The following ZBTB20 variants were observed in gnomAD, a reference collection of about 807,000 sequenced individuals.
The protein encoded by ZBTB20 is zinc finger and BTB domain containing 20, also known as zinc finger and BTB domain-containing protein 20.
ZBTB20 carries 9 observed loss-of-function variants against 56.9 expected under a neutral mutation model. The observed-to-expected ratio is 0.16, with a 90% CI of 0.10 to 0.28. The LOEUF (loss-of-function observed/expected upper bound fraction) is 0.28, where lower values mean the gene tolerates loss of function less well. Among genes scored for constraint, ZBTB20 ranks in the 10% least tolerant of loss-of-function variants. The pLI, the probability that ZBTB20 is intolerant of heterozygous loss-of-function variation, is 1.00. For synonymous variants in ZBTB20, 417 were observed against 420.7 expected (o/e 0.99, Z 0.11); for missense variants, 655 against 1,003.0 (o/e 0.65, Z 4.69).
rs1266161957 is a variant in ZBTB20 at position 114,319,180 on chromosome 3, T to C, written c.*19825A>G. 6.6e-6 allele frequency: 1 copy of C among 151,198 alleles called. No homozygotes were observed. The highest frequency in any genetic ancestry group is 1.9e-4 in the East Asian group (1 of 5,192). 9.4% of individuals were successfully genotyped at this position (151,198 alleles called of 1,614,324 possible). A position where few individuals can be genotyped will look rare whatever the true frequency, so the allele number is the denominator to read the frequency against. Reference sequence around the variant, plus strand: ...TCTTTTTTTTTTTTTAAATAATGTCTTCACCAAAAAAACAGTCTTGTACCA... The same window carrying C: ...TCTTTTTTTTTTTTTAAATAATGTCCTCACCAAAAAAACAGTCTTGTACCA... On this transcript the variant is annotated 3_prime_UTR_variant, in exon 12 of 12. Coordinates refer to ENST00000675478, the MANE Select transcript of ZBTB20 (RefSeq NM_001348800.3).
intron 7 of ZBTB20, among the ~76,000 whole-genome samples, chr3:114,447,717 G>C (rs1331718929): frequency 6.6e-6 from 1 of 152,168 alleles, no homozygotes; most frequent in Non-Finnish European, 1.5e-5. Context: ...GACTTAAGGA[G>C]AAGAGCTCCA....
At chr3:114,899,691 C>T (rs1446143433) in intron 4 of ZBTB20, among the ~76,000 whole-genome samples, 1 of 152,162 alleles carries the variant, frequency 6.6e-6, no homozygotes, top group East Asian at 1.9e-4. Context: ...AAGCACACTG[C>T]TAACAAGCTT....
At chr3:114,794,409 T>C (rs978451539) in intron 5 of ZBTB20, among the ~76,000 whole-genome samples, 1 of 152,088 alleles carries the variant, frequency 6.6e-6, no homozygotes, top group African/African-American at 2.4e-5. Flanking sequence ...TTGGCTGTGG[T>C]AATTTAGCTC....
chr3:114,622,908 T>C (rs2058417161), intron 6 of ZBTB20, among the ~76,000 whole-genome samples: 2 of 152,206 alleles, frequency 1.3e-5, no homozygotes, highest in Non-Finnish European at 2.9e-5. Context: ...TTAGGCTGGG[T>C]TGTGATTCCT....
intron 5 of ZBTB20, among the ~76,000 whole-genome samples, chr3:114,727,290 A>C (rs1216839874): frequency 6.6e-6 from 1 of 152,230 alleles, no homozygotes; most frequent in Non-Finnish European, 1.5e-5. Flanking sequence ...CTAAAGAAAG[A>C]AGGTGGAATT....
chr3:114,737,886 G>A (rs1162170412), intron 5 of ZBTB20, among the ~76,000 whole-genome samples: 2 of 152,058 alleles, frequency 1.3e-5, no homozygotes, highest in East Asian at 3.9e-4. Flanking sequence ...AAATCTCTAT[G>A]TAGGAAAAAT....
intron 6 of ZBTB20, among the ~76,000 whole-genome samples, chr3:114,614,296 T>A (rs192048582): frequency 3.9e-5 from 6 of 152,288 alleles, no homozygotes; most frequent in African/African-American, 1.2e-4. Context: ...AGTATTGGGG[T>A]AACATATATC....
At chr3:114,434,868 C>G (rs1312811044) in intron 7 of ZBTB20, among the ~76,000 whole-genome samples, 2 of 152,042 alleles carry the variant, frequency 1.3e-5, no homozygotes, top group African/African-American at 4.8e-5. Flanking sequence ...AGGTGGGAGG[C>G]AATCCCATAG....
At chr3:114,710,920 A>T (rs184470768) in intron 5 of ZBTB20, among the ~76,000 whole-genome samples, 1 of 152,278 alleles carries the variant, frequency 6.6e-6, no homozygotes, top group Non-Finnish European at 1.5e-5. Context: ...CACTTGAGCC[A>T]CACATTTCTT....
intron 6 of ZBTB20, among the ~76,000 whole-genome samples, chr3:114,664,746 T>G (rs2060950862): frequency 6.6e-6 from 1 of 151,948 alleles, no homozygotes; most frequent in Admixed American, 6.6e-5. Context: ...ATGGTTTTTG[T>G]GTAATATCAC....
intron 4 of ZBTB20, among the ~76,000 whole-genome samples, chr3:114,852,096 T>G (rs2075029116): frequency 1.3e-5 from 2 of 152,032 alleles, no homozygotes; most frequent in Admixed American, 6.5e-5. Flanking sequence ...CTCCTTCCTC[T>G]CCCAGCTTTT....
intron 5 of ZBTB20, among the ~76,000 whole-genome samples, chr3:114,747,904 G>A (rs533377976): frequency 8.0e-4 from 1 of 1,246 alleles, no homozygotes; most frequent in African/African-American, 8.1e-4. Context: ...GGGCGACAGC[G>A]AGACTCCGTC....
At chr3:114,523,646 T>C (rs1320859664) in intron 6 of ZBTB20, among the ~76,000 whole-genome samples, 4 of 152,078 alleles carry the variant, frequency 2.6e-5, no homozygotes, top group Non-Finnish European at 5.9e-5. Context: ...AGTTTATCCA[T>C]AGTTGCAGGA....
Position 114,487,422 on chromosome 3 carries a change from A to G in ZBTB20, c.-255+12930T>C, listed in dbSNP as rs116665252. Among the ~76,000 whole-genome samples, 452 of 152,318 alleles carry G rather than the reference A, an allele frequency of 3.0e-3. 1 individual carries two copies. Among genetic ancestry groups the G allele is most frequent in the African/African-American group, 0.01 (434 of 41,568 alleles). ...CTGAAGGGACTTCCTAGACTCTAAC[A>G]TGTTTGCCTCTCTTTTGCTTCCTTT... On this transcript the variant is annotated intron_variant, in intron 7 of 11. Coordinates refer to ENST00000675478, the MANE Select transcript of ZBTB20 (RefSeq NM_001348800.3).
chr3:114,535,688 A>G (rs1019171103), intron 6 of ZBTB20, among the ~76,000 whole-genome samples: 6 of 152,220 alleles, frequency 3.9e-5, no homozygotes, highest in African/African-American at 7.2e-5. Context: ...GTCACAACAA[A>G]AAAAGGAGAA....
chr3:115,020,006 A>C (rs2080139165), intron 2 of ZBTB20, among the ~76,000 whole-genome samples: 1 of 151,230 alleles, frequency 6.6e-6, no homozygotes, highest in African/African-American at 2.4e-5. Flanking sequence ...AGGATTTTTG[A>C]ACTGTGTATG....
chr3:114,537,603 A>T (rs1156640276), intron 6 of ZBTB20, among the ~76,000 whole-genome samples: 1 of 152,182 alleles, frequency 6.6e-6, no homozygotes, highest in Non-Finnish European at 1.5e-5. Flanking sequence ...CTAGAACCAA[A>T]AATACCATTT....
chr3:114,415,280 T>C (rs760122293), intron 7 of ZBTB20, among the ~76,000 whole-genome samples: 2 of 151,928 alleles, frequency 1.3e-5, no homozygotes, highest in African/African-American at 4.8e-5. Context: ...AGAAAGAGAG[T>C]AAGAGAAAAA....
intron 5 of ZBTB20, among the ~76,000 whole-genome samples, chr3:114,792,950 A>G (rs955163487): frequency 2.1e-5 from 3 of 144,350 alleles, no homozygotes; most frequent in Non-Finnish European, 3.0e-5. Context: ...ATCTCAGCTC[A>G]CTGCAACCTC....
Sources: allele counts gnomAD v4.1 joint callset (sites outside exome capture counted in the v4.1 genomes callset), GRCh38; gene constraint gnomAD v4.1.1; transcripts MANE v1.5; gene names NCBI Gene and HGNC (gene_info 2026-07-23, HGNC 2026-07-21).